Variants in SLC71A2 observed in about 807,000 individuals in gnomAD.
SLC71A2 encodes the protein hippocampus abundant transcript-like 1.
chr9:94,400,625 C>CA, the SLC71A2 span, among the ~76,000 whole-genome samples: 12 of 151,484 alleles, frequency 7.9e-5, no homozygotes, highest in African/African-American at 2.7e-4. Flanking sequence ...TGCCTTTCCC[C>CA]ATACCCCCTT....
chr9:94,431,516 CT>C, the SLC71A2 span, among the ~76,000 whole-genome samples: 33 of 146,520 alleles, frequency 2.3e-4, no homozygotes, highest in South Asian at 8.6e-4. Flanking sequence ...CATTTGGGTA[CT>C]TTTTTTTTTA....
the SLC71A2 span, among the ~76,000 whole-genome samples, chr9:94,382,473 G>A: frequency 2.0e-5 from 3 of 152,136 alleles, no homozygotes; most frequent in East Asian, 1.9e-4. Flanking sequence ...CAAGTCCCTC[G>A]TCAAATGATT....
the SLC71A2 span, among the ~76,000 whole-genome samples, chr9:94,428,301 A>G: frequency 6.7e-6 from 1 of 148,784 alleles, no homozygotes; most frequent in South Asian, 2.1e-4. Flanking sequence ...TTTTTGGAAG[A>G]TTTTTTCTTA....
chr9:94,455,567 T>C, the SLC71A2 span, among the ~76,000 whole-genome samples: 1 of 152,082 alleles, frequency 6.6e-6, no homozygotes, highest in Non-Finnish European at 1.5e-5. Flanking sequence ...TTCTTTTTGA[T>C]TTTGCTCCTG....
chr9:94,451,422 A>G, the SLC71A2 span: 3 of 1,069,032 alleles, frequency 2.8e-6, no homozygotes, highest in South Asian at 3.4e-5. Context: ...TATAATATCT[A>G]TATTACTAAA....
chr9:94,445,173 C>T, the SLC71A2 span: 5 of 1,610,408 alleles, frequency 3.1e-6, no homozygotes, highest in African/African-American at 4.0e-5. Flanking sequence ...AACAAGCAGA[C>T]CCTTTTGCGG....
the SLC71A2 span, among the ~76,000 whole-genome samples, chr9:94,414,322 T>C: frequency 6.6e-6 from 1 of 152,300 alleles, no homozygotes; most frequent in East Asian, 1.9e-4. Context: ...TGCAGTAATC[T>C]GTGGGAGAGA....
the SLC71A2 span, among the ~76,000 whole-genome samples, chr9:94,445,648 C>CT: frequency 3.9e-5 from 6 of 152,230 alleles, no homozygotes; most frequent in East Asian, 1.2e-3. Flanking sequence ...CTCTACCTCC[C>CT]TCCCTTTCCT....
chr9:94,411,566 A>G, the SLC71A2 span, among the ~76,000 whole-genome samples: 1 of 151,042 alleles, frequency 6.6e-6, no homozygotes, highest in Admixed American at 6.6e-5. Flanking sequence ...TTCTAAGTTA[A>G]TTATTCCTTT....
At chr9:94,422,026 C>T in the SLC71A2 span, among the ~76,000 whole-genome samples, 1 of 152,100 alleles carries the variant, frequency 6.6e-6, no homozygotes, top group African/African-American at 2.4e-5. Context: ...GATTCTCCTG[C>T]CTCAGCCTCC....
chr9:94,457,453 A>AT, the SLC71A2 span, among the ~76,000 whole-genome samples: 30,618 of 150,430 alleles, frequency 0.2, 3,375 homozygotes, highest in African/African-American at 0.3. Context: ...TATTCATTGC[A>AT]TTTTTTTTTT....
At chr9:94,409,491 G>A in the SLC71A2 span, among the ~76,000 whole-genome samples, 2 of 151,904 alleles carry the variant, frequency 1.3e-5, no homozygotes, top group Admixed American at 6.6e-5. Flanking sequence ...TCTGTATCAC[G>A]TTTGTATCTG....
At chr9:94,378,333 G>C in the SLC71A2 span, among the ~76,000 whole-genome samples, 1 of 152,060 alleles carries the variant, frequency 6.6e-6, no homozygotes, top group East Asian at 1.9e-4. Context: ...ACGTGTTGGG[G>C]AGGGAGCAAG....
chr9:94,429,166 T>C, the SLC71A2 span: 1 of 1,606,042 alleles, frequency 6.2e-7, no homozygotes, highest in South Asian at 1.1e-5. Flanking sequence ...GAATTTGTCT[T>C]GATGTTTGTT....
the SLC71A2 span, chr9:94,415,187 C>T: frequency 6.2e-7 from 1 of 1,613,790 alleles, no homozygotes; most frequent in South Asian, 1.1e-5. Context: ...CAAGTGTGTA[C>T]CATGCTGCTA....
chr9:94,444,110 A>G, the SLC71A2 span, among the ~76,000 whole-genome samples: 1 of 152,254 alleles, frequency 6.6e-6, no homozygotes, highest in Non-Finnish European at 1.5e-5. Flanking sequence ...AAAATCCATT[A>G]GAAGTTTAAA....
the SLC71A2 span, among the ~76,000 whole-genome samples, chr9:94,389,271 G>GTT: frequency 7.4e-4 from 107 of 144,078 alleles, no homozygotes; most frequent in Middle Eastern, 3.6e-3. Flanking sequence ...CTTAATTCTG[G>GTT]TTTTTTTTTT....
chr9:94,457,965 C>G, the SLC71A2 span, among the ~76,000 whole-genome samples: 1 of 152,210 alleles, frequency 6.6e-6, no homozygotes, highest in East Asian at 1.9e-4. Context: ...GGTCTGTATT[C>G]CTGACACCAG....
chr9:94,423,882 A>G, the SLC71A2 span, among the ~76,000 whole-genome samples: 2 of 152,010 alleles, frequency 1.3e-5, no homozygotes, highest in Non-Finnish European at 2.9e-5. Flanking sequence ...TTAAGTTTTT[A>G]TGTAGTTGAA....
Sources: allele counts gnomAD v4.1 joint callset (sites outside exome capture counted in the v4.1 genomes callset), GRCh38; gene constraint gnomAD v4.1.1; transcripts MANE v1.5; gene names NCBI Gene and HGNC (gene_info 2026-07-23, HGNC 2026-07-21).